Variants in STMN1 observed in about 807,000 individuals in gnomAD.
The protein encoded by STMN1 is stathmin.
Under a neutral mutation model 19.7 loss-of-function variants are expected in STMN1, and 3 were observed. That is an observed-to-expected ratio of 0.15 (90% CI 0.07 to 0.39). STMN1 has a LOEUF of 0.39. Ranked by LOEUF, STMN1 falls within the 10% of genes least tolerant of loss-of-function variation. The probability of loss-of-function intolerance (pLI) is 1.00; values close to 1 mark genes in which losing one functional copy is unlikely to be tolerated. For synonymous variants in STMN1, 59 were observed against 58.9 expected, an observed-to-expected ratio of 1.00 and a Z score of -0.01; for missense variants, 99 against 176.0, an observed-to-expected ratio of 0.56 and a Z score of 2.48.
At chr1:25,891,055 G>C (rs1443552318) in intron 4 of STMN1, among the ~76,000 whole-genome samples, 1 of 152,092 alleles carries the variant, frequency 6.6e-6, no homozygotes, top group Non-Finnish European at 1.5e-5. Flanking sequence ...AATCGGGGCC[G>C]GGCACAGCAG....
chr1:25,906,062 C>G lies in STMN1; in HGVS notation c.-63+327G>C, dbSNP rs1398154982. ...TCAGACAATGGGGAACCCGGCGGGG[C>G]CCGCAGGGAAGGGAGGGAGGGAGGG... On this transcript the variant is annotated intron_variant, in intron 1 of 4. Transcript: ENST00000455785. This position sits in a 1 kb window ranked among gnomAD's most constrained non-coding sequence, Gnocchi z 4.5. 2.0e-5 allele frequency: 3 copies of G among 152,168 alleles called. No individual in the cohort carries two copies. Among genetic ancestry groups the G allele is most frequent in the Non-Finnish European group, 4.4e-5 (3 of 68,088 alleles). 9.4% of individuals were successfully genotyped at this position (152,168 alleles called of 1,614,324 possible).
At chr1:25,887,403 C>A in intron 4 of STMN1, 2 of 336,056 alleles carry the variant, frequency 6.0e-6, no homozygotes, top group Non-Finnish European at 1.2e-5. Flanking sequence ...AGTGGGTTAA[C>A]AGGAAAGCCG....
intron 2 of STMN1, 72 bp downstream of exon 2, chr1:25,904,592 G>C: frequency 7.1e-7 from 1 of 1,415,246 alleles, no homozygotes; most frequent in Non-Finnish European, 9.9e-7. Context: ...AATCAAAGGC[G>C]AAGACCTGAG....
In STMN1 at chr1:25,903,695, ATCCT is replaced by A; in HGVS notation, c.128_131del (p.Lys43IlefsTer11). On this transcript the variant is annotated frameshift_variant, in exon 3 of 5. Coordinates refer to ENST00000455785, the MANE Select transcript of STMN1 (RefSeq NM_005563.4). LOFTEE classifies it high-confidence loss of function. ...TCTTCTGAATTTCCTCCAGGGAAAGATCCTTCTTCTTTGGAGGGGAAAGGGGGAA... is the reference window on the plus strand; with the variant it reads ...TCTTCTGAATTTCCTCCAGGGAAAGATCTTCTTTGGAGGGGAAAGGGGGAA... 2 of 1,613,782 alleles carry A rather than the reference ATCCT, an allele frequency of 1.2e-6. No homozygotes were observed. The highest frequency in any genetic ancestry group is 1.7e-6 in the Non-Finnish European group (2 of 1,180,014).
At chr1:25,894,972 G>A (rs2048805776) in intron 4 of STMN1, among the ~76,000 whole-genome samples, 1 of 152,156 alleles carries the variant, frequency 6.6e-6, no homozygotes, top group Admixed American at 6.6e-5. Context: ...CCCAGCTGGT[G>A]TCTGGCCCAT....
chr1:25,891,031 T>C (rs1344593976), intron 4 of STMN1, among the ~76,000 whole-genome samples: 1 of 152,120 alleles, frequency 6.6e-6, no homozygotes, highest in Non-Finnish European at 1.5e-5. Flanking sequence ...TTCACAAGGT[T>C]GTTTTAAGGA....
intron 1 of STMN1, 164 bp from the exon 2 acceptor site, chr1:25,904,902 C>T (rs2048920076): frequency 2.2e-6 from 1 of 463,456 alleles, no homozygotes; most frequent in Non-Finnish European, 3.8e-6. Context: ...ACTAAATAAA[C>T]ATTGGGAAAT....
At chr1:25,895,099 CTTTTTTTT>C (rs34587140) in intron 4 of STMN1, among the ~76,000 whole-genome samples, 1 of 113,404 alleles carries the variant, frequency 8.8e-6, no homozygotes, top group African/African-American at 3.2e-5. Flanking sequence ...TATTATACGT[CTTTTTTTT>C]TTTTTTTTTT....
downstream of STMN1, among the ~76,000 whole-genome samples, chr1:25,897,009 GC>G (rs1201547049): frequency 3.3e-5 from 5 of 152,210 alleles, no homozygotes; most frequent in African/African-American, 1.2e-4. Context: ...AAAGGGGGAA[GC>G]TTTTCTATAA....
rs2048863083 is a variant in STMN1, at chr1:25,900,777, C to T, written c.*239G>A. ...CAAGTGTACTGAAGTAGAAAAGATG[C>T]AACAAGAAAAATAGCTACATTAGAA... On this transcript the variant is annotated 3_prime_UTR_variant, in exon 5 of 5. Coordinates refer to ENST00000455785, the MANE Select transcript of STMN1 (RefSeq NM_005563.4). 1 of 1,325,150 alleles carries T rather than the reference C, an allele frequency of 7.5e-7. No homozygotes were observed. 82.1% of individuals were successfully genotyped at this position (1,325,150 alleles called of 1,614,324 possible). A position where few individuals can be genotyped will look rare whatever the true frequency, so the allele number is the denominator to read the frequency against.
At chr1:25,901,431 A>C (rs1449680996) in intron 4 of STMN1, 60 bp downstream of exon 4, 2 of 1,538,174 alleles carry the variant, frequency 1.3e-6, no homozygotes, top group Admixed American at 4.2e-5. Flanking sequence ...ACTTAGTTCA[A>C]GCCAACTCAT....
Position 25,903,810 on chromosome 1 carries a change from A to G in STMN1, c.17T>C (p.Ile6Thr). ...ACGCTTCTCCAGTTCTTTCACCTGG[A>G]TATCTAGAATTGATTATATTTATAA... is the stretch of plus-strand genomic sequence containing the variant. MASSD[I>T]QVKELEKRAS... is the part of the protein sequence containing the mutation. The change falls in exon 3 of 5, where the codon ATC (isoleucine) becomes ACC (threonine). Residue 6 changes from isoleucine to threonine, a missense_variant. Transcript: ENST00000455785. 6.3e-7 allele frequency: 1 copy of G among 1,596,022 alleles called. No individual in the cohort carries two copies. The highest frequency in any genetic ancestry group is 8.5e-7 in the Non-Finnish European group (1 of 1,174,596).
In STMN1 at chr1:25,901,561, T is replaced by C. The variant is rs1303956005; in HGVS notation, c.308A>G (p.His103Arg). 2 of 1,614,018 alleles carry C rather than the reference T, an allele frequency of 1.2e-6. No individual in the cohort carries two copies. Among genetic ancestry groups the C allele is most frequent in the Non-Finnish European group, 1.7e-6 (2 of 1,180,016 alleles). The change falls in exon 4 of 5, where the codon CAC becomes CGC. Residue 103 changes from histidine to arginine, a missense_variant. Physicochemically the swap from His to Arg is conservative, Grantham distance 29. Transcript: ENST00000455785. ...FSKMAEEKLTHKMEANKENRE... is the reference protein window; with the variant it reads ...FSKMAEEKLTRKMEANKENRE... Reference sequence around the variant, plus strand: ...GTTCTCTTTATTAGCTTCCATTTTGTGGGTCAGTTTCTCTTCTGCCATTTT... The same window carrying C: ...GTTCTCTTTATTAGCTTCCATTTTGCGGGTCAGTTTCTCTTCTGCCATTTT...
intron 4 of STMN1, among the ~76,000 whole-genome samples, chr1:25,893,526 G>A (rs2048794150): frequency 1.3e-5 from 2 of 152,156 alleles, no homozygotes; most frequent in African/African-American, 2.4e-5. Flanking sequence ...CAAGGGCCTT[G>A]TTGATGTACA....
intron 3 of STMN1, chr1:25,902,978 T>C (rs1383997436): frequency 2.6e-5 from 4 of 152,236 alleles, no homozygotes; most frequent in African/African-American, 9.7e-5. Flanking sequence ...TGAGTAACAT[T>C]GAATGGAAAG....
chr1:25,893,262 T>C (rs2048791961), intron 4 of STMN1, among the ~76,000 whole-genome samples: 1 of 152,224 alleles, frequency 6.6e-6, no homozygotes, highest in Non-Finnish European at 1.5e-5. Context: ...TGTACTTATC[T>C]CGCTGCAGAC....
In STMN1 at chr1:25,903,721, G is replaced by A; in HGVS notation, c.106C>T (p.Pro36Ser). Residue 36 changes from proline (P) to serine (S), a missense_variant, in exon 3 of 5, where the codon CCC (proline) becomes TCC (serine). By Grantham distance (74) the Pro-to-Ser change is moderately conservative (BLOSUM62 -1). Coordinates refer to ENST00000455785, the MANE Select transcript of STMN1 (RefSeq NM_005563.4). ...TCCTTCTTCTTTGGAGGGGAAAGGGGGAATTCTGGAACAGATTCTTTTGAC... is the reference window on the plus strand; with the variant it reads ...TCCTTCTTCTTTGGAGGGGAAAGGGAGAATTCTGGAACAGATTCTTTTGAC... Reference protein sequence around the residue: ...PRSKESVPEFPLSPPKKKDLS... With the variant: ...PRSKESVPEFSLSPPKKKDLS... 1 of 1,613,932 alleles carries A rather than the reference G, an allele frequency of 6.2e-7. No individual in the cohort carries two copies.
intron 4 of STMN1, among the ~76,000 whole-genome samples, chr1:25,894,404 A>G (rs1407626891): frequency 1.3e-5 from 2 of 152,156 alleles, no homozygotes; most frequent in Non-Finnish European, 1.5e-5. Flanking sequence ...TCTAGGCCAG[A>G]CACGATGGCC....
rs967366754 is a variant in STMN1 at position 25,900,272 on chromosome 1, C to G, written c.*744G>C. The G allele has an allele frequency of 3.0e-6, 3 of 985,714 alleles. No homozygotes were observed. The highest frequency in any genetic ancestry group is 1.7e-5 in the African/African-American group (1 of 57,216). 61.1% of individuals were successfully genotyped at this position (985,714 alleles called of 1,614,324 possible). On this transcript the variant is annotated 3_prime_UTR_variant, in exon 5 of 5. Transcript: ENST00000455785. Reference sequence around the variant, plus strand: ...CTCTCTCAACTGTTCTCTAGAAACACGCTTGTGCTTTTAATCTGCCTTTTA... The same window carrying G: ...CTCTCTCAACTGTTCTCTAGAAACAGGCTTGTGCTTTTAATCTGCCTTTTA...
Sources: gnomAD v4.1 joint callset for allele counts (sites outside exome capture counted in the v4.1 genomes callset) on GRCh38, gnomAD v4.1.1 for gene constraint, Gnocchi (gnomAD v3.1) non-coding constraint, MANE v1.5 for transcripts, NCBI Gene and HGNC (gene_info 2026-07-23, HGNC 2026-07-21) for gene names.